Variants in KIF4A observed in about 807,000 individuals in gnomAD.
The protein encoded by KIF4A is chromosome-associated kinesin KIF4A.
In KIF4A, 7 loss-of-function variants were observed where a neutral mutation model predicts 105.9. The observed-to-expected ratio is 0.07, with a 90% CI of 0.04 to 0.12. The LOEUF (loss-of-function observed/expected upper bound fraction) is 0.12, where lower values mean the gene tolerates loss of function less well. KIF4A is among the 10% of genes least tolerant of loss of function. The probability of loss-of-function intolerance (pLI) is 1.00; values close to 1 mark genes in which losing one functional copy is unlikely to be tolerated. For missense variants in KIF4A, 558 were observed against 929.2 expected, an observed-to-expected ratio of 0.60 and a Z score of 5.19; for synonymous variants, 281 against 331.3, an observed-to-expected ratio of 0.85 and a Z score of 1.65.
intron 24 of KIF4A, 29 bp downstream of exon 24, chrX:70,404,063 CTG>C: frequency 8.4e-7 from 1 of 1,191,179 alleles, no homozygotes; most frequent in South Asian, 1.8e-5. Context: ...AGAAGCTATA[CTG>C]TGAAACTATC....
chrX:70,297,999 G>A (rs974556518), intron 4 of KIF4A, among the ~76,000 whole-genome samples: 5 of 110,974 alleles, frequency 4.5e-5, no homozygotes, highest in East Asian at 2.9e-4. Flanking sequence ...GGCCAGGCCC[G>A]GTGGTTCACG....
chrX:70,403,917 C>G lies in KIF4A; in HGVS notation c.2673C>G (p.Ser891Arg). The change falls in exon 24 of 31, where the codon AGC (serine) becomes AGG (arginine). Residue 891 changes from serine to arginine, a missense_variant. Around this residue, in one of 2 missense-constraint regions of KIF4A, gnomAD observed 469 missense variants for 680.4 expected, o/e 0.69. Transcript: ENST00000374403. Reference protein sequence around the residue: ...VSKLESSLKQSKTSCADMQKM... With the variant: ...VSKLESSLKQRKTSCADMQKM... ...AACTTGAAAGCAGCCTGAAACAGAG[C>G]AAGACCAGCTGTGCTGACATGCAGA... is the stretch of plus-strand genomic sequence containing the variant. The G allele has an allele frequency of 8.3e-7, 1 of 1,211,139 alleles. No homozygotes were observed. Among genetic ancestry groups the G allele is most frequent in the Non-Finnish European group, 1.1e-6 (1 of 895,120 alleles).
At chrX:70,302,090 A>G (rs1217570197) in intron 6 of KIF4A, 24 bp downstream of exon 6, 2 of 1,199,534 alleles carry the variant, frequency 1.7e-6, no homozygotes, top group East Asian at 5.9e-5. Context: ...TAAAGAGTCA[A>G]GATTTTTAGT....
intron 9 of KIF4A, among the ~76,000 whole-genome samples, chrX:70,331,638 G>GT (rs2085931107): frequency 2.7e-5 from 1 of 37,086 alleles, no homozygotes; most frequent in Non-Finnish European, 8.4e-5. Context: ...TCTTCAATTT[G>GT]TAAAAAAAAA....
At chrX:70,397,635 T>C (rs1175182668) in intron 22 of KIF4A, among the ~76,000 whole-genome samples, 1 of 112,060 alleles carries the variant, frequency 8.9e-6, no homozygotes, top group East Asian at 2.8e-4. Flanking sequence ...CTTCTAATCA[T>C]GATTATTTTA....
In KIF4A at chrX:70,330,145, G is replaced by A. The variant is rs1401447088; in HGVS notation, c.896-12G>A. 1.7e-6 allele frequency: 2 copies of A among 1,152,920 alleles called. No homozygotes were observed. The highest frequency in any genetic ancestry group is 2.2e-5 in the South Asian group (1 of 46,146). On this transcript the variant is annotated splice_polypyrimidine_tract_variant and intron_variant, in intron 8 of 30. Coordinates refer to ENST00000374403, the MANE Select transcript of KIF4A (RefSeq NM_012310.5). ...TCATTTCCTTTCGTTATTCTTTATT[G>A]TTCTTTTTCAGATTCTCTAGGAGGT... is the stretch of plus-strand genomic sequence containing the variant.
intron 7 of KIF4A, among the ~76,000 whole-genome samples, chrX:70,310,749 A>G (rs886347097): frequency 1.8e-5 from 2 of 111,356 alleles, no homozygotes; most frequent in African/African-American, 3.3e-5. Flanking sequence ...TTGATATAAC[A>G]TGGAAATTAT....
intron 20 of KIF4A, among the ~76,000 whole-genome samples, chrX:70,393,573 T>C (rs1403605130): frequency 9.0e-6 from 1 of 111,579 alleles, no homozygotes; most frequent in African/African-American, 3.2e-5. Context: ...CTTAGAGTTC[T>C]ACATTTAGGA....
chrX:70,324,850 C>T (rs748106367), intron 7 of KIF4A, among the ~76,000 whole-genome samples: 100 of 111,445 alleles, frequency 9.0e-4, no homozygotes, highest in Middle Eastern at 4.7e-3. Context: ...GGTGTGATCA[C>T]GGCTCACTGC....
intron 9 of KIF4A, among the ~76,000 whole-genome samples, chrX:70,330,787 G>T (rs1035774641): frequency 8.9e-6 from 1 of 112,111 alleles, no homozygotes; most frequent in African/African-American, 3.2e-5. Flanking sequence ...AACAAAGAGA[G>T]TTCTAGAGAG....
Position 70,406,336 on chromosome X carries a change from T to C in KIF4A, c.3054T>C (p.Phe1018=), listed in dbSNP as rs1366604466. The C allele has an allele frequency of 8.3e-7, 1 of 1,199,299 alleles. No homozygotes were observed. The highest frequency in any genetic ancestry group is 1.1e-6 in the Non-Finnish European group (1 of 885,408). Residue 1018 remains phenylalanine (F), a synonymous_variant, in exon 27 of 31, where the codon TTT becomes TTC. Coordinates refer to ENST00000374403, the MANE Select transcript of KIF4A (RefSeq NM_012310.5). ...KDTLLSPDSS[F]EYVPPKPKPS... ...CCCTTCTATCTCCAGACTCTTCTTTTGAATATGTCCCACCTAAGGTAAAAT... is the reference window on the plus strand; with the variant it reads ...CCCTTCTATCTCCAGACTCTTCTTTCGAATATGTCCCACCTAAGGTAAAAT...
intron 13 of KIF4A, among the ~76,000 whole-genome samples, chrX:70,349,942 C>A (rs1363220664): frequency 1.3e-5 from 1 of 77,104 alleles, no homozygotes; most frequent in African/African-American, 5.1e-5. Flanking sequence ...GGCGGCCGGG[C>A]AGAGGCGCTC....
chrX:70,343,324 TTTTG>T lies in KIF4A; in HGVS notation c.1267-371_1267-368del, dbSNP rs768855304. On this transcript the variant is annotated intron_variant, in intron 11 of 30. Coordinates refer to ENST00000374403, the MANE Select transcript of KIF4A (RefSeq NM_012310.5). ...TTTGTTTGTTTGTTTTTTGTCTTTT[TTTTG>T]TTTGTTTTTTTTGTTTGTTTGTTTT... Among the ~76,000 whole-genome samples, 531 of 111,300 alleles carry T rather than the reference TTTTG, an allele frequency of 4.8e-3. 7 individuals carry two copies. Among genetic ancestry groups the T allele is most frequent in the African/African-American group, 0.017 (516 of 30,659 alleles).
intron 18 of KIF4A, among the ~76,000 whole-genome samples, chrX:70,382,532 T>A (rs1362013976): frequency 8.9e-6 from 1 of 112,463 alleles, no homozygotes; most frequent in Non-Finnish European, 1.9e-5. Flanking sequence ...AACATAGGTG[T>A]TAATCTTTGT....
intron 18 of KIF4A, among the ~76,000 whole-genome samples, chrX:70,382,383 A>T (rs969669094): frequency 4.4e-5 from 5 of 112,419 alleles, no homozygotes; most frequent in African/African-American, 1.3e-4. Flanking sequence ...GTGAGCTGAG[A>T]TCACGCCCCT....
intron 7 of KIF4A, among the ~76,000 whole-genome samples, chrX:70,324,926 T>G (rs1407268436): frequency 9.0e-6 from 1 of 111,004 alleles, no homozygotes; most frequent in East Asian, 2.8e-4. Flanking sequence ...GAACTGCGAG[T>G]GTATGCCACT....
At chrX:70,405,423 A>G (rs2086296462) in intron 25 of KIF4A, among the ~76,000 whole-genome samples, 1 of 111,667 alleles carries the variant, frequency 9.0e-6, no homozygotes, top group Non-Finnish European at 1.9e-5. Context: ...AGGCTTACTA[A>G]AGTAGCAAGT....
At chrX:70,361,587 TCAC>T (rs2086075764) in intron 15 of KIF4A, 1 of 167,106 alleles carries the variant, frequency 6.0e-6, no homozygotes, top group African/African-American at 3.1e-5. Context: ...TTGGAGGAAT[TCAC>T]CACCATGACA....
At position 70,352,541 on chromosome X, in the gene KIF4A, A is replaced by G. The variant is rs888894413; in HGVS notation, c.1432-59A>G. ...AAAAAAATTAAATAACCAATATAAA[A>G]TCCACCAGTAAGCTTTACTTCAGAC... On this transcript the variant is annotated intron_variant, in intron 13 of 30. Transcript: ENST00000374403. 6.8e-6 allele frequency: 6 copies of G among 881,705 alleles called. No individual in the cohort carries two copies. In the African/African-American group the frequency reaches 7.9e-5, roughly 12 times the overall value. 72.7% of individuals were successfully genotyped at this position (881,705 alleles called of 1,213,427 possible). A position where few individuals can be genotyped will look rare whatever the true frequency, so the allele number is the denominator to read the frequency against.
Sources: allele counts gnomAD v4.1 joint callset (sites outside exome capture counted in the v4.1 genomes callset), GRCh38; gene constraint gnomAD v4.1.1; regional missense constraint gnomAD v4.1.1; transcripts MANE v1.5; gene names NCBI Gene and HGNC (gene_info 2026-07-23, HGNC 2026-07-21).